ENTREP2: variants seen among roughly 807,000 people sequenced by gnomAD.
ENTREP2 encodes the protein endosomal transmembrane epsin interactor 2.
chr15:29,123,523 G>A, the ENTREP2 span: 1 of 1,551,754 alleles, frequency 6.4e-7, no homozygotes, highest in Non-Finnish European at 8.7e-7. Flanking sequence ...GTCCACTAAA[G>A]AGCGTGGCCG....
At chr15:29,268,707 G>T in the ENTREP2 span, 1 of 1,383,172 alleles carries the variant, frequency 7.2e-7, no homozygotes. Flanking sequence ...ATGCTCCCTG[G>T]GTTCGTTCTC....
chr15:29,388,418 T>C, the ENTREP2 span, among the ~76,000 whole-genome samples: 1 of 152,234 alleles, frequency 6.6e-6, no homozygotes. Flanking sequence ...CACAATGAGA[T>C]GCCATCTCAC....
chr15:29,259,575 A>G, the ENTREP2 span, among the ~76,000 whole-genome samples: 7 of 152,162 alleles, frequency 4.6e-5, no homozygotes, highest in Admixed American at 3.9e-4. Context: ...GGTTTCACAC[A>G]GGCCAATCCC....
At chr15:29,287,549 T>C in the ENTREP2 span, among the ~76,000 whole-genome samples, 1 of 152,210 alleles carries the variant, frequency 6.6e-6, no homozygotes, top group Non-Finnish European at 1.5e-5. Flanking sequence ...TTATTTTGTT[T>C]AAAGTAGAAA....
the ENTREP2 span, among the ~76,000 whole-genome samples, chr15:29,433,784 A>G: frequency 0.16 from 16,973 of 105,278 alleles, 1,878 homozygotes; most frequent in African/African-American, 0.35. Context: ...TCCATGGGAA[A>G]AAAAAAAAAA....
the ENTREP2 span, among the ~76,000 whole-genome samples, chr15:29,156,017 C>G: frequency 6.6e-6 from 1 of 152,000 alleles, no homozygotes; most frequent in Admixed American, 6.6e-5. Context: ...AGGATGGGGG[C>G]TTAGTTGTGG....
chr15:29,536,186 G>A, the ENTREP2 span, among the ~76,000 whole-genome samples: 2 of 152,254 alleles, frequency 1.3e-5, no homozygotes, highest in Non-Finnish European at 1.5e-5. Flanking sequence ...AGTCTGGTGG[G>A]GGGCTTCTAG....
At chr15:29,674,579 T>C in the ENTREP2 span, among the ~76,000 whole-genome samples, 1 of 152,070 alleles carries the variant, frequency 6.6e-6, no homozygotes, top group African/African-American at 2.4e-5. Flanking sequence ...GAGCACAGAC[T>C]TTTAATCAGA....
At chr15:29,196,760 G>C in the ENTREP2 span, 1 of 513,370 alleles carries the variant, frequency 1.9e-6, no homozygotes, top group East Asian at 3.1e-5. Flanking sequence ...TATCTTAACA[G>C]CAATGTATAG....
At chr15:29,657,147 C>G in the ENTREP2 span, among the ~76,000 whole-genome samples, 8 of 152,156 alleles carry the variant, frequency 5.3e-5, no homozygotes, top group South Asian at 1.0e-3. Context: ...TCCCCCGTTC[C>G]GGCCATTCTC....
the ENTREP2 span, among the ~76,000 whole-genome samples, chr15:29,209,211 C>T: frequency 6.6e-6 from 1 of 152,128 alleles, no homozygotes; most frequent in South Asian, 2.1e-4. Flanking sequence ...TTAAAAAATA[C>T]ACAAATCTGT....
At chr15:29,612,070 C>T in the ENTREP2 span, among the ~76,000 whole-genome samples, 8 of 152,310 alleles carry the variant, frequency 5.3e-5, no homozygotes, top group South Asian at 1.5e-3. Context: ...CAGATACCAG[C>T]TTTTCTGCAT....
chr15:29,640,886 A>G, the ENTREP2 span, among the ~76,000 whole-genome samples: 1 of 152,222 alleles, frequency 6.6e-6, no homozygotes, highest in African/African-American at 2.4e-5. Context: ...AGAAAACTAC[A>G]GACCAGTATC....
the ENTREP2 span, among the ~76,000 whole-genome samples, chr15:29,293,756 C>T: frequency 6.6e-6 from 1 of 152,214 alleles, no homozygotes; most frequent in South Asian, 2.1e-4. Flanking sequence ...CCATGCTGAG[C>T]AACTCTCTTA....
the ENTREP2 span, among the ~76,000 whole-genome samples, chr15:29,558,915 T>A: frequency 1.3e-5 from 2 of 151,896 alleles, no homozygotes; most frequent in Admixed American, 6.6e-5. Context: ...GAATACAGCA[T>A]ATAACGCATA....
chr15:29,394,862 T>A, the ENTREP2 span, among the ~76,000 whole-genome samples: 134 of 150,154 alleles, frequency 8.9e-4, no homozygotes, highest in African/African-American at 3.1e-3. Flanking sequence ...TTCATCCATA[T>A]GTAGCATGTG....
chr15:29,334,666 A>G, the ENTREP2 span, among the ~76,000 whole-genome samples: 1 of 152,200 alleles, frequency 6.6e-6, no homozygotes, highest in African/African-American at 2.4e-5. Context: ...CTCCTGAAGG[A>G]AAGTGGAGTC....
At chr15:29,637,348 T>C in the ENTREP2 span, among the ~76,000 whole-genome samples, 3 of 152,210 alleles carry the variant, frequency 2.0e-5, no homozygotes, top group Non-Finnish European at 4.4e-5. Flanking sequence ...AGATGAGCAC[T>C]GGGGTACAAA....
At chr15:29,213,126 C>T in the ENTREP2 span, among the ~76,000 whole-genome samples, 1 of 152,154 alleles carries the variant, frequency 6.6e-6, no homozygotes, top group South Asian at 2.1e-4. Flanking sequence ...TTTCTGAGGG[C>T]TCTGTTCTGT....
Sources: gnomAD v4.1 joint callset for allele counts (sites outside exome capture counted in the v4.1 genomes callset) on GRCh38, gnomAD v4.1.1 for gene constraint, MANE v1.5 for transcripts, NCBI Gene and HGNC (gene_info 2026-07-23, HGNC 2026-07-21) for gene names.